Variants in PCED1B observed in about 807,000 individuals in gnomAD.
PCED1B encodes PC-esterase domain containing 1B.
For synonymous variants in PCED1B, 251 were observed against 246.1 expected, an observed-to-expected ratio of 1.02 and a Z score of -0.19; for missense variants, 573 against 573.9, an observed-to-expected ratio of 1.00 and a Z score of 0.02.
At chr12:47,160,375 C>G (rs1358946528) in intron 2 of PCED1B, among the ~76,000 whole-genome samples, 2 of 136,446 alleles carry the variant, frequency 1.5e-5, no homozygotes, top group African/African-American at 5.4e-5. Flanking sequence ...TCACAGCCCA[C>G]TGAAGCCTCG....
In PCED1B at chr12:47,174,442, A is replaced by AAACAAAATAAATAAATAAAT. The variant is rs1555145781; in HGVS notation, c.-525-41778_-525-41777insCAAAATAAATAAATAAATAA. On this transcript the variant is annotated intron_variant, in intron 2 of 3. Coordinates refer to ENST00000546455, the MANE Select transcript of PCED1B (RefSeq NM_138371.3). ...AAACAAACAAAACAAACAAACAAAC[A>AAACAAAATAAATAAATAAAT]AAATAAATAAATAAATAAATAAATA... 4.2e-4 allele frequency among the ~76,000 whole-genome samples: 63 copies of AAACAAAATAAATAAATAAAT among 150,996 alleles called. 1 individual carries two copies. Among genetic ancestry groups the AAACAAAATAAATAAATAAAT allele is most frequent in the South Asian group, 8.3e-4 (4 of 4,800 alleles).
At chr12:47,200,298 C>T (rs10450806) in intron 2 of PCED1B, among the ~76,000 whole-genome samples, 1 of 151,984 alleles carries the variant, frequency 6.6e-6, no homozygotes, top group Admixed American at 6.6e-5. Flanking sequence ...GAATAGACAC[C>T]GCACCAAAAG....
At chr12:47,214,480 A>G (rs566262111) in intron 2 of PCED1B, among the ~76,000 whole-genome samples, 1 of 152,194 alleles carries the variant, frequency 6.6e-6, no homozygotes, top group African/African-American at 2.4e-5. Context: ...CTGGGATACA[A>G]ATTAAATTGA....
At chr12:47,141,970 C>A (rs1432479412) in intron 2 of PCED1B, among the ~76,000 whole-genome samples, 1 of 152,124 alleles carries the variant, frequency 6.6e-6, no homozygotes, top group East Asian at 1.9e-4. Context: ...TGAAGCAGTC[C>A]TGTGACTCAG....
chr12:47,159,683 G>A lies in PCED1B; in HGVS notation c.-526+55488G>A, dbSNP rs144254628. On this transcript the variant is annotated intron_variant, in intron 2 of 3. Coordinates refer to ENST00000546455, the MANE Select transcript of PCED1B (RefSeq NM_138371.3). ...TGCAAATATTTTCTCCCATTCTGTG[G>A]ATTGTCTCTTCACTCTGTAGATTGT... Among the ~76,000 whole-genome samples the A allele has an allele frequency of 5.2e-3, 787 of 152,024 alleles. 7 individuals carry two copies. The highest frequency in any genetic ancestry group is 0.017 in the African/African-American group (720 of 41,488).
rs56143248 is a variant in PCED1B at position 47,101,644 on chromosome 12, C to A, written c.-608-2469C>A. Among the ~76,000 whole-genome samples, 946 of 152,132 alleles carry A rather than the reference C, an allele frequency of 6.2e-3. 9 individuals carry two copies. The highest frequency in any genetic ancestry group is 0.021 in the African/African-American group (865 of 41,478). On this transcript the variant is annotated intron_variant, in intron 1 of 3. Coordinates refer to ENST00000546455, the MANE Select transcript of PCED1B (RefSeq NM_138371.3). The stretch of plus-strand genomic sequence containing the variant: ...TATAATATGGATCACAGGGAAAAAA[C>A]TGAATTAAAAGGAAGATTTGGTCCG...
intron 2 of PCED1B, among the ~76,000 whole-genome samples, chr12:47,161,777 G>T (rs548231045): frequency 4.7e-4 from 72 of 152,220 alleles, no homozygotes; most frequent in African/African-American, 1.5e-3. Context: ...ATACCCAAAG[G>T]GTTATAAATC....
intron 2 of PCED1B, among the ~76,000 whole-genome samples, chr12:47,196,246 T>A (rs1942599316): frequency 1.3e-5 from 2 of 152,206 alleles, no homozygotes; most frequent in South Asian, 4.1e-4. Flanking sequence ...TAGAACTTAG[T>A]AGCTAAGTGT....
chr12:47,178,206 A>G (rs1941985154), intron 2 of PCED1B, among the ~76,000 whole-genome samples: 1 of 152,322 alleles, frequency 6.6e-6, no homozygotes, highest in Admixed American at 6.5e-5. Flanking sequence ...TTTGGCGTAG[A>G]CACCAGCATC....
chr12:47,121,838 C>T (rs974186651), intron 2 of PCED1B, among the ~76,000 whole-genome samples: 8 of 152,008 alleles, frequency 5.3e-5, no homozygotes, highest in Non-Finnish European at 1.2e-4. Context: ...TCGAGACCAG[C>T]CTGGCTAACA....
intron 2 of PCED1B, among the ~76,000 whole-genome samples, chr12:47,113,595 T>G (rs1052460989): frequency 1.3e-4 from 20 of 152,338 alleles, no homozygotes; most frequent in African/African-American, 4.8e-4. Context: ...GACAATCAGA[T>G]TTTACCAGAT....
At chr12:47,135,510 C>T in intron 2 of PCED1B, 2 of 494,824 alleles carry the variant, frequency 4.0e-6, no homozygotes, top group Non-Finnish European at 8.2e-6. Context: ...GGAAGATCAG[C>T]ACTGAGATGA....
chr12:47,215,579 T>A (rs897329881), intron 2 of PCED1B, among the ~76,000 whole-genome samples: 1 of 152,052 alleles, frequency 6.6e-6, no homozygotes, highest in African/African-American at 2.4e-5. Flanking sequence ...AAGCACGCTG[T>A]CCCCTTGAGT....
intron 2 of PCED1B, among the ~76,000 whole-genome samples, chr12:47,107,314 ACCATTGTATTG>A (rs145958958): frequency 0.049 from 7,442 of 152,102 alleles, 305 homozygotes; most frequent in South Asian, 0.1. Flanking sequence ...GTATCCATGA[ACCATTGTATTG>A]CCTCTCCCGG....
intron 2 of PCED1B, among the ~76,000 whole-genome samples, chr12:47,164,877 C>A (rs566819728): frequency 1.1e-4 from 16 of 152,332 alleles, no homozygotes; most frequent in Admixed American, 5.2e-4. Flanking sequence ...AGTTGAGTCA[C>A]AATGAATTGG....
At chr12:47,214,578 T>C (rs1255824895) in intron 2 of PCED1B, among the ~76,000 whole-genome samples, 1 of 151,790 alleles carries the variant, frequency 6.6e-6, no homozygotes, top group Non-Finnish European at 1.5e-5. Context: ...GAAGCTGAGG[T>C]GGGAGGATCA....
chr12:47,170,750 T>C (rs1475813707), intron 2 of PCED1B, among the ~76,000 whole-genome samples: 2 of 152,250 alleles, frequency 1.3e-5, no homozygotes, highest in Admixed American at 1.3e-4. Flanking sequence ...TCTCTGTTTT[T>C]CAATAGAAAA....
intron 2 of PCED1B, among the ~76,000 whole-genome samples, chr12:47,212,088 A>C (rs900513017): frequency 2.6e-5 from 4 of 151,432 alleles, no homozygotes; most frequent in Non-Finnish European, 5.9e-5. Context: ...AAAAAAAAAA[A>C]AAAAAACCCA....
chr12:47,110,701 A>G (rs1191406815), intron 2 of PCED1B, among the ~76,000 whole-genome samples: 1 of 152,218 alleles, frequency 6.6e-6, no homozygotes, highest in Non-Finnish European at 1.5e-5. Flanking sequence ...CAGAAATATA[A>G]TCAATGAAAG....
Sources: gnomAD v4.1 joint callset for allele counts (sites outside exome capture counted in the v4.1 genomes callset) on GRCh38, gnomAD v4.1.1 for gene constraint, MANE v1.5 for transcripts, NCBI Gene and HGNC (gene_info 2026-07-23, HGNC 2026-07-21) for gene names.